Variants in MYO16 observed in about 807,000 individuals in gnomAD.
MYO16 encodes the protein unconventional myosin-XVI.
A neutral mutation model predicts 205.3 loss-of-function variants in MYO16; 94 were observed. That is an observed-to-expected ratio of 0.46 (90% CI 0.39 to 0.54). The LOEUF (loss-of-function observed/expected upper bound fraction) is 0.54, where lower values mean the gene tolerates loss of function less well. Ranked by LOEUF, MYO16 falls within the 20% of genes least tolerant of loss-of-function variation. MYO16 has a pLI of 0.00. For synonymous variants in MYO16, 988 were observed against 954.0 expected, an observed-to-expected ratio of 1.04 and a Z score of -0.66; for missense variants, 2,315 against 2,387.5, an observed-to-expected ratio of 0.97 and a Z score of 0.63.
intron 15 of MYO16, among the ~76,000 whole-genome samples, chr13:108,899,497 A>G (rs1306544660): frequency 6.6e-6 from 1 of 152,210 alleles, no homozygotes; most frequent in Non-Finnish European, 1.5e-5. Context: ...TAACTTATAC[A>G]AAAGGAAAGC....
chr13:108,857,117 A>G (rs1023095993), intron 11 of MYO16, among the ~76,000 whole-genome samples: 2 of 152,120 alleles, frequency 1.3e-5, no homozygotes, highest in Middle Eastern at 3.2e-3. Flanking sequence ...TGTTTCTCCT[A>G]GAGTTATCTT....
intron 34 of MYO16, among the ~76,000 whole-genome samples, chr13:109,197,001 T>G (rs2139959609): frequency 6.6e-6 from 1 of 152,326 alleles, no homozygotes. Context: ...GTACAATTTT[T>G]TCCGTGCCAT....
intron 32 of MYO16, among the ~76,000 whole-genome samples, chr13:109,149,265 T>C (rs879788990): frequency 3.9e-5 from 6 of 152,216 alleles, no homozygotes; most frequent in Non-Finnish European, 8.8e-5. Flanking sequence ...GGCATCCTGG[T>C]CATAATATAA....
At chr13:108,962,840 T>C (rs1370754710) in intron 19 of MYO16, among the ~76,000 whole-genome samples, 1 of 152,224 alleles carries the variant, frequency 6.6e-6, no homozygotes, top group African/African-American at 2.4e-5. Flanking sequence ...TCCTGCTACC[T>C]CATTGGTTAG....
the MYO16 span, among the ~76,000 whole-genome samples, chr13:108,567,296 G>T: frequency 1.3e-5 from 2 of 152,112 alleles, no homozygotes; most frequent in Non-Finnish European, 2.9e-5. Context: ...GGTTATGAAG[G>T]GAGAGAGAAA....
intron 21 of MYO16, among the ~76,000 whole-genome samples, chr13:109,004,570 G>A (rs1490091969): frequency 1.3e-5 from 2 of 152,072 alleles, no homozygotes; most frequent in African/African-American, 4.8e-5. Flanking sequence ...GAACAGTAGG[G>A]ATGCCATTGT....
chr13:109,061,144 G>A (rs943149882), intron 27 of MYO16, among the ~76,000 whole-genome samples: 1 of 151,992 alleles, frequency 6.6e-6, no homozygotes, highest in Non-Finnish European at 1.5e-5. Flanking sequence ...GAAGAGTTAG[G>A]GCCTTTCTCT....
intron 2 of MYO16, among the ~76,000 whole-genome samples, chr13:108,675,542 GTGT>G (rs1177089247): frequency 4.6e-5 from 7 of 152,072 alleles, no homozygotes; most frequent in Admixed American, 2.0e-4. Context: ...ACTTTCATAG[GTGT>G]TGTGAGAATA....
intron 1 of MYO16, among the ~76,000 whole-genome samples, chr13:108,624,609 C>T (rs368562348): frequency 3.9e-5 from 6 of 152,240 alleles, no homozygotes; most frequent in South Asian, 2.1e-4. Context: ...AGTGGTTGTT[C>T]GGATTCAAGT....
rs538763839 is a variant in MYO16 at position 108,820,408 on chromosome 13, G to T, written c.939G>T (p.Ala313=). ...PHLVNCNEEK[A]SDIAASEFIE... is the part of the protein sequence containing the mutation. ...TCGTGAACTGTAATGAGGAGAAGGC[G>T]TCAGGTAGGTTAGGAGCATCCTTGG... Residue 313 remains alanine, a synonymous_variant, in exon 8 of 35, where the codon GCG becomes GCT. Coordinates refer to ENST00000457511, the MANE Select transcript of MYO16 (RefSeq NM_001198950.3). The T allele has an allele frequency of 3.7e-6, 6 of 1,603,734 alleles. No individual in the cohort carries two copies. The highest frequency in any genetic ancestry group is 4.3e-6 in the Non-Finnish European group (5 of 1,174,556).
chr13:108,790,493 A>G (rs145133236), intron 5 of MYO16, among the ~76,000 whole-genome samples: 23 of 152,186 alleles, frequency 1.5e-4, no homozygotes, highest in African/African-American at 5.3e-4. Context: ...ATTTGTTTTC[A>G]AAAAACAATA....
At chr13:108,886,257 G>T (rs1211415926) in intron 13 of MYO16, among the ~76,000 whole-genome samples, 1 of 152,082 alleles carries the variant, frequency 6.6e-6, no homozygotes, top group African/African-American at 2.4e-5. Context: ...AAAGTGCTGG[G>T]ATTACAGGCG....
intron 10 of MYO16, 86 bp downstream of exon 10, chr13:108,844,579 G>A: frequency 7.3e-7 from 1 of 1,375,322 alleles, no homozygotes; most frequent in South Asian, 1.7e-5. Flanking sequence ...AAAAACAAAT[G>A]CGCACTAATT....
intron 16 of MYO16, among the ~76,000 whole-genome samples, chr13:108,932,061 T>G (rs1418710378): frequency 2.6e-5 from 4 of 152,252 alleles, no homozygotes; most frequent in Non-Finnish European, 5.9e-5. Context: ...TTTCTTACAC[T>G]TCATTCCTTT....
At chr13:109,151,660 C>T (rs1877674642) in intron 32 of MYO16, among the ~76,000 whole-genome samples, 1 of 152,174 alleles carries the variant, frequency 6.6e-6, no homozygotes, top group Admixed American at 6.5e-5. Flanking sequence ...GATATATGCA[C>T]AATTGGTACA....
intron 20 of MYO16, among the ~76,000 whole-genome samples, chr13:108,987,293 G>T (rs935954611): frequency 1.3e-5 from 2 of 152,158 alleles, no homozygotes; most frequent in Non-Finnish European, 2.9e-5. Context: ...TTCTGGCATG[G>T]TTGCAGAAAG....
the MYO16 span, among the ~76,000 whole-genome samples, chr13:108,554,896 C>T: frequency 6.0e-5 from 9 of 149,456 alleles, no homozygotes; most frequent in Middle Eastern, 3.4e-3. Flanking sequence ...TCTGTCTCTA[C>T]CTATCTTTTG....
rs760548187 is a variant in MYO16, at chr13:108,910,093, A to G, written c.1868A>G (p.Asp623Gly). 6.2e-7 allele frequency: 1 copy of G among 1,613,378 alleles called. No individual in the cohort carries two copies. The highest frequency in any genetic ancestry group is 8.5e-7 in the Non-Finnish European group (1 of 1,179,526). Reference sequence around the variant, plus strand: ...TTTCTCATTTTCTACTTGTTGATGGATGGGTTATCTGCTGAAGAAAAATAT... The same window carrying G: ...TTTCTCATTTTCTACTTGTTGATGGGTGGGTTATCTGCTGAAGAAAAATAT... The part of the protein sequence containing the change: ...SNFLIFYLLM[D>G]GLSAEEKYGL... Residue 623 changes from aspartate (D) to glycine (G), a missense_variant, in exon 16 of 35, where the codon GAT becomes GGT. Physicochemically the swap from Asp to Gly is moderately conservative, Grantham distance 94. Transcript: ENST00000457511.
At chr13:108,644,062 G>C (rs1173913975) in intron 1 of MYO16, among the ~76,000 whole-genome samples, 1 of 152,154 alleles carries the variant, frequency 6.6e-6, no homozygotes, top group Admixed American at 6.5e-5. Flanking sequence ...ATTATGTCCT[G>C]GGCCCAGTTT....
Sources: gnomAD v4.1 joint callset for allele counts (sites outside exome capture counted in the v4.1 genomes callset) on GRCh38, gnomAD v4.1.1 for gene constraint, MANE v1.5 for transcripts, NCBI Gene and HGNC (gene_info 2026-07-23, HGNC 2026-07-21) for gene names.